Variants in STK39 observed in about 807,000 individuals in gnomAD.
STK39 encodes the protein serine/threonine kinase 39, also known as STE20/SPS1-related proline-alanine-rich protein kinase.
A neutral mutation model predicts 77.8 loss-of-function variants in STK39; 20 were observed. The ratio of observed to expected loss-of-function variants is 0.26; its 90% confidence interval spans 0.18 to 0.37. The LOEUF (loss-of-function observed/expected upper bound fraction) is 0.37, where lower values mean the gene tolerates loss of function less well. Ranked by LOEUF, STK39 falls within the 10% of genes least tolerant of loss-of-function variation. The pLI, the probability that STK39 is intolerant of heterozygous loss-of-function variation, is 1.00. For synonymous variants in STK39, 246 were observed against 234.1 expected, an observed-to-expected ratio of 1.05 and a Z score of -0.47; for missense variants, 479 against 656.5, an observed-to-expected ratio of 0.73 and a Z score of 2.95.
intron 1 of STK39, among the ~76,000 whole-genome samples, chr2:168,245,801 G>A (rs905847349): frequency 3.9e-5 from 6 of 152,182 alleles, no homozygotes; most frequent in African/African-American, 1.4e-4. Flanking sequence ...TTCAGGCAGT[G>A]ACATGAAGAC....
At chr2:168,101,846 T>G (rs1686836900) in intron 10 of STK39, among the ~76,000 whole-genome samples, 1 of 152,208 alleles carries the variant, frequency 6.6e-6, no homozygotes, top group Admixed American at 6.5e-5. Context: ...TGTTAGTATA[T>G]TCACAGAATT....
At chr2:168,133,556 A>G (rs1371589431) in intron 8 of STK39, among the ~76,000 whole-genome samples, 1 of 152,154 alleles carries the variant, frequency 6.6e-6, no homozygotes, top group Non-Finnish European at 1.5e-5. Flanking sequence ...AAAGAATGGA[A>G]CTGGAAGAAA....
At chr2:168,073,728 G>A (rs1035224178) in intron 12 of STK39, among the ~76,000 whole-genome samples, 3 of 152,114 alleles carry the variant, frequency 2.0e-5, no homozygotes, top group South Asian at 2.1e-4. Context: ...TCCCGGGTTC[G>A]AGCAATTCTC....
intron 1 of STK39, among the ~76,000 whole-genome samples, chr2:168,196,565 A>G (rs1361539593): frequency 2.0e-5 from 3 of 152,256 alleles, no homozygotes; most frequent in Non-Finnish European, 2.9e-5. Flanking sequence ...CTGAGGCAGA[A>G]GAATTGCTTG....
intron 5 of STK39, among the ~76,000 whole-genome samples, chr2:168,142,465 T>C (rs1248290276): frequency 6.6e-6 from 1 of 152,078 alleles, no homozygotes; most frequent in African/African-American, 2.4e-5. Flanking sequence ...TAAGGAAAAA[T>C]TGATTATTTT....
At chr2:168,056,637 G>C (rs960195035) in intron 14 of STK39, among the ~76,000 whole-genome samples, 1 of 152,178 alleles carries the variant, frequency 6.6e-6, no homozygotes, top group African/African-American at 2.4e-5. Flanking sequence ...GTGATTCACA[G>C]AGAGTGAGGG....
chr2:168,086,321 C>T (rs11895184), intron 10 of STK39, among the ~76,000 whole-genome samples: 2,263 of 152,166 alleles, frequency 0.015, 53 homozygotes, highest in African/African-American at 0.052. Context: ...TTTTAATTTA[C>T]ACTTACAAAG....
chr2:168,092,759 ATT>A, intron 10 of STK39, among the ~76,000 whole-genome samples: 1 of 151,474 alleles, frequency 6.6e-6, no homozygotes, highest in East Asian at 1.9e-4. Flanking sequence ...GAGTACCATC[ATT>A]TTTTTTTCTT....
intron 10 of STK39, among the ~76,000 whole-genome samples, chr2:168,107,951 C>T (rs1559100630): frequency 6.6e-6 from 1 of 152,162 alleles, no homozygotes; most frequent in African/African-American, 2.4e-5. Context: ...TGATTCTCAA[C>T]GTGTATGGTC....
At position 168,247,224 on chromosome 2, in the gene STK39, T is replaced by G; in HGVS notation, c.208+4A>C. On this transcript the variant is annotated splice_donor_region_variant and intron_variant, in intron 1 of 17. Coordinates refer to ENST00000355999, the MANE Select transcript of STK39 (RefSeq NM_013233.3). ...GCCGGCCCCGCCGCGCCCGCCGCAC[T>G]GACCGATAACCTCCTGCAGCTCGTA... 8.4e-7 allele frequency: 1 copy of G among 1,191,708 alleles called. No individual in the cohort carries two copies. The highest frequency in any genetic ancestry group is 1.0e-6 in the Non-Finnish European group (1 of 957,532). 73.8% of individuals were successfully genotyped at this position (1,191,708 alleles called of 1,614,324 possible).
chr2:168,188,907 G>A (rs1005413968), intron 1 of STK39, among the ~76,000 whole-genome samples: 3 of 152,068 alleles, frequency 2.0e-5, no homozygotes, highest in Admixed American at 1.3e-4. Flanking sequence ...CAAACCGCTC[G>A]CCTCCACTGA....
rs1229844527 is a variant in STK39, at chr2:167,964,654, C to A, written c.1563+8G>T. On this transcript the variant is annotated splice_region_variant and intron_variant, in intron 17 of 17. Coordinates refer to ENST00000355999, the MANE Select transcript of STK39 (RefSeq NM_013233.3). ...ATTACCTCCTTCTTTCCATAACTTT[C>A]CACTTACCAACTTAAATGTCAATGT... 1 of 1,608,320 alleles carries A rather than the reference C, an allele frequency of 6.2e-7. No homozygotes were observed. Among genetic ancestry groups the A allele is most frequent in the Non-Finnish European group, 8.5e-7 (1 of 1,176,650 alleles).
chr2:168,000,768 G>A (rs754135752), intron 16 of STK39, among the ~76,000 whole-genome samples: 1 of 152,134 alleles, frequency 6.6e-6, no homozygotes, highest in Non-Finnish European at 1.5e-5. Flanking sequence ...AGCCAATGAA[G>A]AAATGAGCCA....
intron 17 of STK39, among the ~76,000 whole-genome samples, chr2:167,957,261 G>A (rs559348663): frequency 6.6e-6 from 1 of 152,278 alleles, no homozygotes; most frequent in African/African-American, 2.4e-5. Context: ...AATTTACTTT[G>A]TACCTATCCA....
chr2:168,175,670 C>T (rs989032661), intron 2 of STK39, among the ~76,000 whole-genome samples: 4 of 152,142 alleles, frequency 2.6e-5, no homozygotes, highest in African/African-American at 7.2e-5. Flanking sequence ...TTCTCCAATT[C>T]GTTAAGAATG....
intron 2 of STK39, among the ~76,000 whole-genome samples, chr2:168,174,122 GA>G (rs2105612489): frequency 6.6e-6 from 1 of 151,956 alleles, no homozygotes; most frequent in South Asian, 2.1e-4. Flanking sequence ...ACATTTTTAA[GA>G]AATAGAAACA....
intron 3 of STK39, among the ~76,000 whole-genome samples, chr2:168,165,092 A>C (rs1688665386): frequency 6.6e-6 from 1 of 152,034 alleles, no homozygotes; most frequent in Admixed American, 6.6e-5. Flanking sequence ...TTATTTGTTG[A>C]CTCTTAGATT....
intron 13 of STK39, among the ~76,000 whole-genome samples, chr2:168,064,452 G>T (rs554655886): frequency 6.6e-6 from 1 of 152,094 alleles, no homozygotes; most frequent in Non-Finnish European, 1.5e-5. Context: ...GTGTGACTAT[G>T]GGGGAGCCAC....
intron 1 of STK39, among the ~76,000 whole-genome samples, chr2:168,198,747 C>A (rs1029063267): frequency 1.3e-5 from 2 of 152,194 alleles, no homozygotes; most frequent in Admixed American, 6.6e-5. Context: ...CACTAGGTGG[C>A]TAAGTGCTAT....
Sources: allele counts gnomAD v4.1 joint callset (sites outside exome capture counted in the v4.1 genomes callset), GRCh38; gene constraint gnomAD v4.1.1; transcripts MANE v1.5; gene names NCBI Gene and HGNC (gene_info 2026-07-23, HGNC 2026-07-21).